CREB3L3: variants seen among roughly 807,000 people sequenced by gnomAD.
The protein encoded by CREB3L3 is cyclic AMP-responsive element-binding protein 3-like protein 3.
A neutral mutation model predicts 44.6 loss-of-function variants in CREB3L3; 40 were observed. The observed-to-expected ratio is 0.90, with a 90% confidence interval of 0.70 to 1.17. The LOEUF is 1.17. CREB3L3 is among the 50% of genes most tolerant of loss of function. The pLI, the probability that CREB3L3 is intolerant of heterozygous loss-of-function variation, is 0.00. For synonymous variants in CREB3L3, 273 were observed against 256.3 expected (o/e 1.06, Z -0.62); for missense variants, 578 against 595.8 (o/e 0.97, Z 0.31).
intron 2 of CREB3L3, among the ~76,000 whole-genome samples, chr19:4,156,184 C>CCTCT (rs1374499105): frequency 5.9e-4 from 20 of 33,904 alleles, no homozygotes; most frequent in Non-Finnish European, 7.7e-4. Flanking sequence ...TCCCTTCCTT[C>CCTCT]CTCTCTCTCT....
intron 4 of CREB3L3, among the ~76,000 whole-genome samples, chr19:4,162,589 C>T (rs1014567779): frequency 6.8e-6 from 1 of 147,828 alleles, no homozygotes; most frequent in African/African-American, 2.5e-5. Flanking sequence ...GAGGCAGAGG[C>T]AGGAGGATCA....
Position 4,172,057 on chromosome 19 carries a change from C to T in CREB3L3, c.*88C>T, listed in dbSNP as rs944089794. 24 of 1,342,140 alleles carry T rather than the reference C, an allele frequency of 1.8e-5. No homozygotes were observed. Among genetic ancestry groups the T allele is most frequent in the East Asian group, 1.8e-4 (7 of 39,734 alleles). The allele number at this position is 1,342,140 out of a possible 1,614,324, so 83.1% of individuals were successfully genotyped here. A position where few individuals can be genotyped will look rare whatever the true frequency, so the allele number is the denominator to read the frequency against. Reference sequence around the variant, plus strand: ...GGCAGCTACCCACCTGGGGATGGGACGTGAGGCCAAGACCCCAGCAGAGAT... The same window carrying T: ...GGCAGCTACCCACCTGGGGATGGGATGTGAGGCCAAGACCCCAGCAGAGAT... On this transcript the variant is annotated 3_prime_UTR_variant, in exon 10 of 10. Coordinates refer to ENST00000078445, the MANE Select transcript of CREB3L3 (RefSeq NM_032607.3).
In CREB3L3 at chr19:4,172,189, G is replaced by A. The variant is rs920732924; in HGVS notation, c.*220G>A. ...AGGCAAAGAGGGCCACAGGACCCGG[G>A]AAATACACACAGAGCCAGGAGCAGA... On this transcript the variant is annotated 3_prime_UTR_variant, in exon 10 of 10. Transcript: ENST00000078445. 2.1e-5 allele frequency: 13 copies of A among 606,460 alleles called. No homozygotes were observed. The highest frequency in any genetic ancestry group is 3.2e-5 in the Non-Finnish European group (11 of 344,266). 37.6% of individuals were successfully genotyped at this position (606,460 alleles called of 1,614,324 possible).
chr19:4,155,890 G>A (rs2041565945), intron 2 of CREB3L3, among the ~76,000 whole-genome samples: 1 of 151,710 alleles, frequency 6.6e-6, no homozygotes, highest in South Asian at 2.1e-4. Flanking sequence ...TGGGATTACA[G>A]GCAGCCGCCA....
At chr19:4,155,141 G>A (rs147316530) in intron 2 of CREB3L3, 114 bp downstream of exon 2, 259 of 1,335,588 alleles carry the variant, frequency 1.9e-4, no homozygotes, top group Non-Finnish European at 2.6e-4. Flanking sequence ...TCAGCTCTAC[G>A]ATGCACTAAT....
rs1967061918 is a variant in CREB3L3, at chr19:4,171,976, C to T, written c.*7C>T. ...GGCGGGAGACGAGCTGTGAGCCCCG[C>T]CAGGACTATGCTCCCAGGCCCCTCT... On this transcript the variant is annotated 3_prime_UTR_variant, in exon 10 of 10. Transcript: ENST00000078445. The surrounding 1 kb of genome is among the most constrained non-coding windows in gnomAD (Gnocchi z 4.9). The T allele has an allele frequency of 1.3e-6, 2 of 1,581,448 alleles. No individual in the cohort carries two copies. Among genetic ancestry groups the T allele is most frequent in the Non-Finnish European group, 1.7e-6 (2 of 1,167,172 alleles).
chr19:4,165,528 T>C (rs894308514), intron 5 of CREB3L3, among the ~76,000 whole-genome samples: 4 of 152,030 alleles, frequency 2.6e-5, no homozygotes, highest in African/African-American at 9.7e-5. Context: ...TTTGAATTGC[T>C]TGATAATGTT....
chr19:4,156,852 G>C (rs111234513), intron 2 of CREB3L3, 143 bp from the exon 3 acceptor site: 3 of 819,746 alleles, frequency 3.7e-6, no homozygotes, highest in African/African-American at 3.7e-5. Flanking sequence ...CAGCAGCCCC[G>C]GGAGGAAGAA....
chr19:4,154,406 G>C (rs2041546446), intron 1 of CREB3L3, among the ~76,000 whole-genome samples: 1 of 151,974 alleles, frequency 6.6e-6, no homozygotes, highest in Non-Finnish European at 1.5e-5. Flanking sequence ...GTCTTGCTCT[G>C]TGACCCAGGG....
intron 4 of CREB3L3, among the ~76,000 whole-genome samples, chr19:4,162,172 A>C (rs2041669666): frequency 6.6e-6 from 1 of 151,862 alleles, no homozygotes; most frequent in African/African-American, 2.4e-5. Flanking sequence ...TGCCCGACTA[A>C]TTTTTGTATT....
Position 4,173,039 on chromosome 19 carries a change from A to C in CREB3L3, c.*1070A>C, listed in dbSNP as rs1461366966. On this transcript the variant is annotated 3_prime_UTR_variant, in exon 10 of 10. Transcript: ENST00000078445. ...TTCTAAGACTGCCTGATCCGAAATA[A>C]AGTATTTTGACAGAACCTTGTTTTG... The C allele has an allele frequency of 6.6e-6, 1 of 152,584 alleles. No individual in the cohort carries two copies. Among genetic ancestry groups the C allele is most frequent in the Non-Finnish European group, 1.5e-5 (1 of 68,374 alleles). The allele number at this position is 152,584 out of a possible 1,614,324, so 9.5% of individuals were successfully genotyped here. A position where few individuals can be genotyped will look rare whatever the true frequency, so the allele number is the denominator to read the frequency against.
At chr19:4,159,813 T>C in intron 4 of CREB3L3, 31 bp downstream of exon 4, 11 of 974,918 alleles carry the variant, frequency 1.1e-5, no homozygotes, top group Non-Finnish European at 1.8e-5. Flanking sequence ...CCATGGGGCG[T>C]TGGAGCTGGG....
At chr19:4,168,267 G>C in intron 5 of CREB3L3, 84 bp from the exon 6 acceptor site, 2 of 1,043,088 alleles carry the variant, frequency 1.9e-6, no homozygotes, top group Non-Finnish European at 2.9e-6. Flanking sequence ...CCAAAGTGCT[G>C]GGATTACAGG....
rs754468073 is a variant in CREB3L3, at chr19:4,159,645, C to G, written c.458-19C>G. On this transcript the variant is annotated intron_variant, in intron 3 of 9. Coordinates refer to ENST00000078445, the MANE Select transcript of CREB3L3 (RefSeq NM_032607.3). ...CGTCTGACACTCTCCCTGTCTCCGT[C>G]CCCACCTGCCCTGGTCAGAAATGTG... is the stretch of plus-strand genomic sequence containing the variant. The G allele has an allele frequency of 8.4e-7, 1 of 1,184,562 alleles. No homozygotes were observed. Among genetic ancestry groups the G allele is most frequent in the Non-Finnish European group, 1.3e-6 (1 of 787,776 alleles). 73.4% of individuals were successfully genotyped at this position (1,184,562 alleles called of 1,614,324 possible).
Position 4,171,139 on chromosome 19 carries a change from C to T in CREB3L3, c.939C>T (p.Ser313=). ...LKKLQAIVVQ[S]TSKSAQTGTC... is the part of the protein sequence containing the mutation. ...AACTCCAGGCCATTGTGGTGCAGTC[C>T]ACCAGCAAGTCAGCCCAGACAGGCA... Residue 313 remains serine, a synonymous_variant, in exon 8 of 10, where the codon TCC becomes TCT. Transcript: ENST00000078445. The surrounding 1 kb of genome is among the most constrained non-coding windows in gnomAD (Gnocchi z 4.9). The T allele has an allele frequency of 1.2e-6, 2 of 1,614,060 alleles. No homozygotes were observed. The highest frequency in any genetic ancestry group is 1.7e-6 in the Non-Finnish European group (2 of 1,179,996).
intron 6 of CREB3L3, among the ~76,000 whole-genome samples, chr19:4,168,701 A>G (rs565172623): frequency 6.4e-4 from 97 of 152,272 alleles, no homozygotes; most frequent in African/African-American, 2.2e-3. Context: ...AGTGTGACCC[A>G]TCCTATTCTG....
chr19:4,161,145 G>A (rs890365290), intron 4 of CREB3L3, among the ~76,000 whole-genome samples: 1 of 151,956 alleles, frequency 6.6e-6, no homozygotes, highest in Non-Finnish European at 1.5e-5. Context: ...TGTATTTTTA[G>A]TGGAGACAGG....
chr19:4,162,703 G>A (rs957463355), intron 4 of CREB3L3, among the ~76,000 whole-genome samples: 4 of 151,718 alleles, frequency 2.6e-5, no homozygotes, highest in Non-Finnish European at 5.9e-5. Flanking sequence ...GAAAAGATGG[G>A]TGTGGTGGCT....
intron 4 of CREB3L3, among the ~76,000 whole-genome samples, chr19:4,163,073 C>T (rs528554872): frequency 2.2e-3 from 327 of 152,040 alleles, no homozygotes; most frequent in African/African-American, 7.5e-3. Flanking sequence ...TTTGGGAGGC[C>T]GAGGCGGGCA....
Sources: gnomAD v4.1 joint callset for allele counts (sites outside exome capture counted in the v4.1 genomes callset) on GRCh38, gnomAD v4.1.1 for gene constraint, Gnocchi (gnomAD v3.1) non-coding constraint, MANE v1.5 for transcripts, NCBI Gene and HGNC (gene_info 2026-07-23, HGNC 2026-07-21) for gene names.